Variants in AMN1 observed in about 807,000 individuals in gnomAD.
The protein encoded by AMN1 is antagonist of mitotic exit network 1 homolog, also known as protein AMN1 homolog.
A neutral mutation model predicts 33.0 loss-of-function variants in AMN1; 20 were observed. The observed-to-expected ratio is 0.61, with a 90% CI of 0.43 to 0.88. AMN1 has a LOEUF of 0.88. Ranked by LOEUF, AMN1 falls within the 40% of genes least tolerant of loss-of-function variation. The probability of loss-of-function intolerance (pLI) is 0.00; values close to 1 mark genes in which losing one functional copy is unlikely to be tolerated. For synonymous variants in AMN1, 114 were observed against 111.9 expected, an observed-to-expected ratio of 1.02 and a Z score of -0.12; for missense variants, 246 against 307.4, an observed-to-expected ratio of 0.80 and a Z score of 1.49.
At chr12:31,717,848 T>C (rs1318254719) in intron 1 of AMN1, among the ~76,000 whole-genome samples, 1 of 152,138 alleles carries the variant, frequency 6.6e-6, no homozygotes, top group Non-Finnish European at 1.5e-5. Context: ...ACTAGGTATT[T>C]GTCCTAATGC....
At chr12:31,721,966 A>G (rs753804469) in intron 1 of AMN1, among the ~76,000 whole-genome samples, 1 of 152,222 alleles carries the variant, frequency 6.6e-6, no homozygotes, top group African/African-American at 2.4e-5. Context: ...ATCTGCCATC[A>G]TGGCCTAGGA....
intron 1 of AMN1, among the ~76,000 whole-genome samples, chr12:31,722,793 C>T (rs1338243595): frequency 1.3e-5 from 2 of 152,226 alleles, no homozygotes; most frequent in African/African-American, 2.4e-5. Flanking sequence ...TCTTGTTGTA[C>T]TGAAACCTGG....
intron 6 of AMN1, chr12:31,673,486 A>G: frequency 4.7e-6 from 1 of 214,556 alleles, no homozygotes; most frequent in South Asian, 5.5e-5. Context: ...TGGTTATTGT[A>G]GAGGAAATCT....
intron 2 of AMN1, among the ~76,000 whole-genome samples, chr12:31,705,568 T>G (rs908690920): frequency 2.0e-5 from 3 of 152,098 alleles, no homozygotes; most frequent in African/African-American, 7.2e-5. Flanking sequence ...TGCTTCCTTT[T>G]GATTACAGGC....
intron 2 of AMN1, among the ~76,000 whole-genome samples, chr12:31,703,055 AT>A (rs2139697500): frequency 6.6e-6 from 1 of 152,156 alleles, no homozygotes; most frequent in South Asian, 2.1e-4. Flanking sequence ...GTTATTTAAT[AT>A]TCTCTCTCTC....
At chr12:31,678,521 C>T (rs1238799901) in intron 6 of AMN1, among the ~76,000 whole-genome samples, 2 of 151,930 alleles carry the variant, frequency 1.3e-5, no homozygotes, top group South Asian at 2.1e-4. Context: ...CTCAGTCTCC[C>T]GAGTAGCTGG....
chr12:31,712,511 G>A (rs1939507852), intron 1 of AMN1, among the ~76,000 whole-genome samples: 1 of 152,140 alleles, frequency 6.6e-6, no homozygotes, highest in South Asian at 2.1e-4. Flanking sequence ...CTCCCAAAGT[G>A]TTGGGAATAC....
chr12:31,717,402 A>G (rs1281736150), intron 1 of AMN1, among the ~76,000 whole-genome samples: 28 of 152,248 alleles, frequency 1.8e-4, no homozygotes, highest in Admixed American at 1.8e-3. Flanking sequence ...GTGCTGCAAT[A>G]AACATATGTG....
rs1951293147 is a variant in AMN1, at chr12:31,672,349, T to C, written c.732A>G (p.Leu244=). Reference sequence around the variant, plus strand: ...CTTGCTTTAGTTTGTTTGGGCCTACTAATTGCTCCAACACTTCTCGGGAAT... The same window carrying C: ...CTTGCTTTAGTTTGTTTGGGCCTACCAATTGCTCCAACACTTCTCGGGAAT... ...TDHSREVLEQ[L]VGPNKLKQVT... The change falls in exon 7 of 7, where the codon TTA becomes TTG. Residue 244 remains leucine, a synonymous_variant. Transcript: ENST00000281471. 2 of 1,578,418 alleles carry C rather than the reference T, an allele frequency of 1.3e-6. No individual in the cohort carries two copies. Among genetic ancestry groups the C allele is most frequent in the Non-Finnish European group, 1.7e-6 (2 of 1,160,018 alleles).
chr12:31,677,696 C>G (rs1045945410), intron 6 of AMN1, among the ~76,000 whole-genome samples: 2 of 152,136 alleles, frequency 1.3e-5, no homozygotes, highest in African/African-American at 2.4e-5. Flanking sequence ...CACCTCAGAA[C>G]CAAGGTCTCT....
chr12:31,695,487 C>CT (rs553588433), intron 5 of AMN1, among the ~76,000 whole-genome samples: 19 of 130,698 alleles, frequency 1.5e-4, no homozygotes, highest in East Asian at 6.6e-4. Flanking sequence ...TTCTTTCTTT[C>CT]TTTTTTTTTT....
rs142983199 is a variant in AMN1 at position 31,698,852 on chromosome 12, C to T, written c.317-895G>A. ...GTTCCCAGTCCCTGACACAGAGCTC[C>T]GAAAAGCCTTATAATTTCCTGAGTG... is the stretch of plus-strand genomic sequence containing the variant. On this transcript the variant is annotated intron_variant, in intron 3 of 6. Transcript: ENST00000281471. 2.5e-4 allele frequency among the ~76,000 whole-genome samples: 38 copies of T among 152,072 alleles called. No homozygotes were observed. The East Asian group carries it at 5.2e-3, about 21-fold the overall frequency.
chr12:31,713,756 G>A (rs1444183346), intron 1 of AMN1, among the ~76,000 whole-genome samples: 1 of 152,098 alleles, frequency 6.6e-6, no homozygotes, highest in East Asian at 1.9e-4. Flanking sequence ...TGCTGAGGTG[G>A]GAGGATTGTT....
intron 6 of AMN1, among the ~76,000 whole-genome samples, chr12:31,676,118 T>C (rs1454959438): frequency 2.6e-5 from 4 of 151,634 alleles, no homozygotes; most frequent in African/African-American, 9.7e-5. Context: ...AATAGAATAC[T>C]TAGGAATAAA....
At chr12:31,712,376 T>C (rs1376646540) in intron 1 of AMN1, among the ~76,000 whole-genome samples, 6 of 151,944 alleles carry the variant, frequency 3.9e-5, no homozygotes, top group Non-Finnish European at 8.8e-5. Context: ...GCCTCCCAAA[T>C]AGCTGGGATT....
At chr12:31,720,858 A>G (rs1044480298) in intron 1 of AMN1, among the ~76,000 whole-genome samples, 2 of 152,248 alleles carry the variant, frequency 1.3e-5, no homozygotes, top group Non-Finnish European at 2.9e-5. Flanking sequence ...GCTAATGTGA[A>G]TAATGCTGCT....
At chr12:31,701,542 TCAAG>T (rs1939002382) in intron 3 of AMN1, among the ~76,000 whole-genome samples, 1 of 152,088 alleles carries the variant, frequency 6.6e-6, no homozygotes, top group Admixed American at 6.6e-5. Flanking sequence ...ACTCCTTGGC[TCAAG>T]CAGTCTGCCG....
At chr12:31,729,055 C>G, upstream of AMN1, 2 of 1,502,588 alleles carry the variant, frequency 1.3e-6, no homozygotes, top group Non-Finnish European at 1.8e-6. Context: ...GCCTCCAGAA[C>G]CCAGCCAGGG....
At chr12:31,709,249 C>T (rs1939373746) in intron 2 of AMN1, 44 bp downstream of exon 2, 2 of 1,597,304 alleles carry the variant, frequency 1.3e-6, no homozygotes, top group African/African-American at 1.3e-5. Flanking sequence ...CATATCTAAA[C>T]AGAAAATATA....
Sources: allele counts gnomAD v4.1 joint callset (sites outside exome capture counted in the v4.1 genomes callset), GRCh38; gene constraint gnomAD v4.1.1; transcripts MANE v1.5; gene names NCBI Gene and HGNC (gene_info 2026-07-23, HGNC 2026-07-21).